MORN1: variants seen among roughly 807,000 people sequenced by gnomAD.
MORN1 encodes MORN repeat containing 1.
In MORN1, 67 loss-of-function variants were observed where a neutral mutation model predicts 61.9. The ratio of observed to expected loss-of-function variants is 1.08; its 90% confidence interval spans 0.89 to 1.33. The LOEUF (loss-of-function observed/expected upper bound fraction) is 1.33. Among genes scored for constraint, MORN1 ranks in the 40% most tolerant of loss-of-function variants. MORN1 has a pLI of 0.00. For synonymous variants in MORN1, 301 were observed against 292.0 expected (o/e 1.03, Z -0.31); for missense variants, 752 against 691.2 (o/e 1.09, Z -0.99).
At chr1:2,322,203 G>A (rs1260989303) in intron 13 of MORN1, 6 of 985,272 alleles carry the variant, frequency 6.1e-6, no homozygotes, top group Non-Finnish European at 7.2e-6. Context: ...TTCAAAGTTG[G>A]AGAAACCATA....
chr1:2,374,740 T>G, intron 6 of MORN1, 183 bp from the exon 7 acceptor site: 1 of 568,442 alleles, frequency 1.8e-6, no homozygotes, highest in Non-Finnish European at 3.1e-6. Flanking sequence ...TTCATTAGAA[T>G]GCAATCCAAT....
chr1:2,383,336 G>C lies in MORN1; in HGVS notation c.537+1642C>G, dbSNP rs114759814. On this transcript the variant is annotated intron_variant, in intron 6 of 13. Coordinates refer to ENST00000378531, the MANE Select transcript of MORN1 (RefSeq NM_024848.3). ...TCTGGCAAGCGTCTCCTGCACCTCA[G>C]GGGGAGTTTCCTGAGAAGTAGCTTT... 2.8e-3 allele frequency among the ~76,000 whole-genome samples: 425 copies of C among 152,276 alleles called. 2 individuals are homozygous for C. The highest frequency in any genetic ancestry group is 9.5e-3 in the African/African-American group (393 of 41,560).
intron 13 of MORN1, chr1:2,323,604 C>A (rs1640931984): frequency 1.0e-6 from 1 of 985,216 alleles, no homozygotes; most frequent in South Asian, 4.7e-5. Context: ...TGAGGGTCTG[C>A]ACCTGAGCCT....
chr1:2,390,031 G>C, intron 1 of MORN1, 35 bp from the exon 2 acceptor site: 1 of 1,573,560 alleles, frequency 6.4e-7, no homozygotes, highest in East Asian at 2.2e-5. Context: ...GGTAAGCACA[G>C]ACACAGAGAT....
At chr1:2,327,219 CAA>C (rs1236775251) in intron 12 of MORN1, among the ~76,000 whole-genome samples, 2 of 142,724 alleles carry the variant, frequency 1.4e-5, no homozygotes, top group Non-Finnish European at 3.0e-5. Flanking sequence ...AACACAGAAA[CAA>C]ACACAGAGAC....
Position 2,337,570 on chromosome 1 carries a change from G to A in MORN1, c.1037-720C>T, listed in dbSNP as rs1486186394. Among the ~76,000 whole-genome samples, 2 of 152,174 alleles carry A rather than the reference G, an allele frequency of 1.3e-5. No homozygotes were observed. Among genetic ancestry groups the A allele is most frequent in the African/African-American group, 4.8e-5 (2 of 41,442 alleles). On this transcript the variant is annotated intron_variant, in intron 10 of 13. Coordinates refer to ENST00000378531, the MANE Select transcript of MORN1 (RefSeq NM_024848.3). This position sits in a 1 kb window ranked among gnomAD's most constrained non-coding sequence, Gnocchi z 5.7. ...CACAGATGGAGCTGCAGCCCCCAGGGCCCACCCTGCTGTCTCTTTTACAAG... is the reference window on the plus strand; with the variant it reads ...CACAGATGGAGCTGCAGCCCCCAGGACCCACCCTGCTGTCTCTTTTACAAG...
intron 12 of MORN1, among the ~76,000 whole-genome samples, chr1:2,330,736 C>T (rs966328324): frequency 7.2e-5 from 11 of 152,322 alleles, no homozygotes; most frequent in Non-Finnish European, 1.5e-4. Flanking sequence ...CGCGCACACC[C>T]GTGCCTGTGG....
intron 6 of MORN1, chr1:2,377,723 G>A (rs111746280): frequency 1.3e-5 from 2 of 152,370 alleles, no homozygotes; most frequent in African/African-American, 2.4e-5. Flanking sequence ...TGGCCCTCCT[G>A]GGGGGGTCCT....
chr1:2,358,249 C>T (rs1046750582), intron 9 of MORN1, among the ~76,000 whole-genome samples: 41 of 152,084 alleles, frequency 2.7e-4, no homozygotes, highest in African/African-American at 9.7e-4. Flanking sequence ...GAGGCCTGAG[C>T]ATCTCTGCAG....
In MORN1 at chr1:2,324,122, C is replaced by T. The variant is rs1398733221; in HGVS notation, c.1272G>A (p.Glu424=). ...GGSRPEGRAT[E]EQAAAAHLGE... is the part of the protein sequence containing the mutation. ...CTAGGTGTGCTGCCGCAGCCTGCTC[C>T]TCCGTGGCTCTCCCCTCAGGCCTGT... Residue 424 remains glutamate, a synonymous_variant, in exon 13 of 14, where the codon GAG becomes GAA. Transcript: ENST00000378531. The T allele has an allele frequency of 6.2e-7, 1 of 1,600,648 alleles. No homozygotes were observed. The highest frequency in any genetic ancestry group is 1.1e-5 in the South Asian group (1 of 88,894).
At chr1:2,362,284 A>G (rs924785510) in intron 8 of MORN1, among the ~76,000 whole-genome samples, 4 of 152,202 alleles carry the variant, frequency 2.6e-5, no homozygotes, top group African/African-American at 9.7e-5. Context: ...GGATTATCAC[A>G]AAGATCATCC....
At chr1:2,342,425 G>A (rs890165670) in intron 10 of MORN1, among the ~76,000 whole-genome samples, 7 of 152,232 alleles carry the variant, frequency 4.6e-5, no homozygotes, top group Non-Finnish European at 7.3e-5. Context: ...AACATAAAAC[G>A]TTATTGGCCC....
At chr1:2,380,550 TTTTA>T (rs1381449180) in intron 6 of MORN1, among the ~76,000 whole-genome samples, 1 of 152,152 alleles carries the variant, frequency 6.6e-6, no homozygotes, top group Non-Finnish European at 1.5e-5. Flanking sequence ...TGTTTTGGTT[TTTTA>T]TTTTTTTGAG....
At position 2,363,825 on chromosome 1, in the gene MORN1, TAAAA is replaced by T. The variant is rs56944878; in HGVS notation, c.746-5114_746-5111del. The stretch of plus-strand genomic sequence containing the variant: ...ACAAACAAAAAAATATATATATATA[TAAAA>T]AAAATCAGAGATGATAAAATGGAAT... On this transcript the variant is annotated intron_variant, in intron 8 of 13. Transcript: ENST00000378531. 9.0e-4 allele frequency among the ~76,000 whole-genome samples: 120 copies of T among 132,722 alleles called. 1 individual carries two copies. The highest frequency in any genetic ancestry group is 4.0e-3 in the Middle Eastern group (1 of 252). The allele number at this position is 132,722 out of a possible 152,430, so 87.1% of individuals were successfully genotyped here. A position where few individuals can be genotyped will look rare whatever the true frequency, so the allele number is the denominator to read the frequency against.
intron 10 of MORN1, chr1:2,350,364 T>G (rs1641617170): frequency 6.6e-6 from 1 of 152,182 alleles, no homozygotes; most frequent in Non-Finnish European, 1.5e-5. Flanking sequence ...TAAAATACTG[T>G]GATGTGCAAT....
intron 5 of MORN1, chr1:2,385,269 C>A (rs1570048658): frequency 3.4e-6 from 2 of 595,156 alleles, no homozygotes; most frequent in Admixed American, 3.0e-5. Context: ...CGCCCACCCC[C>A]ACCCTAGATG....
rs28394874 is a variant in MORN1 at position 2,337,211 on chromosome 1, C to G, written c.1037-361G>C. 0.41 allele frequency among the ~76,000 whole-genome samples: 61,863 copies of G among 152,046 alleles called. 13,638 individuals carry two copies. The highest frequency in any genetic ancestry group is 0.58 in the African/African-American group (24,015 of 41,472). On this transcript the variant is annotated intron_variant, in intron 10 of 13. Transcript: ENST00000378531. The surrounding 1 kb of genome is among the most constrained non-coding windows in gnomAD (Gnocchi z 5.7). ...GTAGGGCCGGGACCGGGGCCCTGGC[C>G]GGAGAGGCTGGCGCTCAACAGTACA...
intron 10 of MORN1, among the ~76,000 whole-genome samples, chr1:2,343,991 C>T (rs116274382): frequency 1.3e-5 from 1 of 76,866 alleles, no homozygotes; most frequent in African/African-American, 4.7e-5. Flanking sequence ...GGGCCAGGGG[C>T]AGGGTGGGGT....
chr1:2,367,714 C>T (rs531202521), intron 8 of MORN1, among the ~76,000 whole-genome samples: 27 of 152,116 alleles, frequency 1.8e-4, no homozygotes, highest in Non-Finnish European at 4.4e-5. Flanking sequence ...GCAACCTCTG[C>T]CTCCTGGGTT....
Sources: gnomAD v4.1 joint callset for allele counts (sites outside exome capture counted in the v4.1 genomes callset) on GRCh38, gnomAD v4.1.1 for gene constraint, Gnocchi (gnomAD v3.1) non-coding constraint, MANE v1.5 for transcripts, NCBI Gene and HGNC (gene_info 2026-07-23, HGNC 2026-07-21) for gene names.